COG3: variants seen among roughly 807,000 people sequenced by gnomAD.
The protein encoded by COG3 is component of oligomeric golgi complex 3, also known as conserved oligomeric Golgi complex subunit 3.
A neutral mutation model predicts 114.1 loss-of-function variants in COG3; 32 were observed. The observed-to-expected ratio is 0.28, with a 90% CI of 0.21 to 0.38. The LOEUF is 0.38. Among genes scored for constraint, COG3 ranks in the 10% least tolerant of loss-of-function variants. COG3 has a pLI of 1.00. For synonymous variants in COG3, 352 were observed against 365.7 expected, an observed-to-expected ratio of 0.96 and a Z score of 0.43; for missense variants, 813 against 973.2, an observed-to-expected ratio of 0.84 and a Z score of 2.19.
Position 45,466,256 on chromosome 13 carries a change from C to T in COG3, c.174+1046C>T, listed in dbSNP as rs552645315. Among the ~76,000 whole-genome samples the T allele has an allele frequency of 1.4e-3, 219 of 152,254 alleles. 2 individuals carry two copies. Among genetic ancestry groups the T allele is most frequent in the African/African-American group, 4.5e-3 (187 of 41,550 alleles). On this transcript the variant is annotated intron_variant, in intron 1 of 22. Coordinates refer to ENST00000349995, the MANE Select transcript of COG3 (RefSeq NM_031431.4). Reference sequence around the variant, plus strand: ...GTTTCGCCCTGTTGTCCAGGCTGTTCTCGAACTCCTGACCTCAAGTGATCT... The same window carrying T: ...GTTTCGCCCTGTTGTCCAGGCTGTTTTCGAACTCCTGACCTCAAGTGATCT...
intron 2 of COG3, among the ~76,000 whole-genome samples, chr13:45,478,232 C>T (rs1159827855): frequency 6.6e-6 from 1 of 151,272 alleles, no homozygotes; most frequent in Admixed American, 6.6e-5. Flanking sequence ...CGCTCTGTCA[C>T]CCAAACTGGA....
At chr13:45,481,372 A>C (rs1886239153) in intron 5 of COG3, 68 bp downstream of exon 5, 1 of 787,984 alleles carries the variant, frequency 1.3e-6, no homozygotes, top group Admixed American at 2.4e-5. Flanking sequence ...TCTTCGTGTC[A>C]TCTTTTAATC....
At chr13:45,503,958 A>G (rs114460325) in intron 14 of COG3, among the ~76,000 whole-genome samples, 235 of 152,250 alleles carry the variant, frequency 1.5e-3, no homozygotes, top group African/African-American at 5.2e-3. Flanking sequence ...ACACAGTTGT[A>G]TGGGATGGCT....
At chr13:45,515,340 A>C (rs1474660855) in intron 16 of COG3, among the ~76,000 whole-genome samples, 2 of 152,222 alleles carry the variant, frequency 1.3e-5, no homozygotes, top group Non-Finnish European at 2.9e-5. Context: ...TATATTGCTT[A>C]CTGAAAGATA....
At position 45,504,229 on chromosome 13, in the gene COG3, C is replaced by T. The variant is rs553487219; in HGVS notation, c.1594+880C>T. Among the ~76,000 whole-genome samples, 67 of 152,310 alleles carry T rather than the reference C, an allele frequency of 4.4e-4. 1 individual carries two copies. The highest frequency in any genetic ancestry group is 2.0e-3 in the Admixed American group (31 of 15,300). On this transcript the variant is annotated intron_variant, in intron 14 of 22. Coordinates refer to ENST00000349995, the MANE Select transcript of COG3 (RefSeq NM_031431.4). ...AGGTATTCTGAGTCTACTCTATAAA[C>T]AGTTGCTACACTAAATCCAGACTGT...
chr13:45,489,264 A>AAAAAT (rs1216196271), intron 8 of COG3, among the ~76,000 whole-genome samples: 1 of 135,570 alleles, frequency 7.4e-6, no homozygotes, highest in Non-Finnish European at 1.7e-5. Context: ...CCCAGCCTCA[A>AAAAAT]AAAAAAAAAA....
intron 1 of COG3, chr13:45,466,611 A>C (rs1214744638): frequency 6.6e-6 from 1 of 152,174 alleles, no homozygotes; most frequent in Non-Finnish European, 1.5e-5. Context: ...TGGATAATAA[A>C]AGTTGTTTGC....
At chr13:45,486,407 T>C (rs957066277) in intron 7 of COG3, 88 bp from the exon 8 acceptor site, 5 of 800,016 alleles carry the variant, frequency 6.2e-6, no homozygotes, top group African/African-American at 5.2e-5. Context: ...GGCCAAGCAG[T>C]AGCCATAGGA....
chr13:45,518,626 T>G, intron 17 of COG3, 136 bp from the exon 18 acceptor site: 2 of 636,428 alleles, frequency 3.1e-6, no homozygotes, highest in African/African-American at 1.8e-5. Flanking sequence ...CATCTCACTC[T>G]CAGCCTTTCA....
At chr13:45,522,653 G>A (rs572504009) in intron 19 of COG3, among the ~76,000 whole-genome samples, 8 of 152,290 alleles carry the variant, frequency 5.3e-5, no homozygotes, top group Non-Finnish European at 1.2e-4. Context: ...CTAGAAGAGT[G>A]TATATGCTCT....
intron 2 of COG3, among the ~76,000 whole-genome samples, chr13:45,476,711 T>A (rs199979422): frequency 6.6e-6 from 1 of 151,934 alleles, no homozygotes; most frequent in Non-Finnish European, 1.5e-5. Flanking sequence ...AGTCCTTTTT[T>A]AAAAAACCCA....
chr13:45,502,593 A>AGTCT (rs1869664231), intron 13 of COG3, among the ~76,000 whole-genome samples: 1 of 151,838 alleles, frequency 6.6e-6, no homozygotes, highest in African/African-American at 2.4e-5. Flanking sequence ...TGTGGTAGGG[A>AGTCT]GTCTGTTTCC....
intron 19 of COG3, among the ~76,000 whole-genome samples, chr13:45,519,610 C>G (rs917594200): frequency 1.3e-5 from 2 of 152,200 alleles, no homozygotes; most frequent in African/African-American, 4.8e-5. Context: ...TCCTCCTTCA[C>G]ATTGGTGGTC....
intron 3 of COG3, 60 bp downstream of exon 3, chr13:45,479,126 C>A: frequency 8.4e-7 from 1 of 1,196,006 alleles, no homozygotes; most frequent in Non-Finnish European, 1.2e-6. Flanking sequence ...TCATCTGAAG[C>A]ATTTCATAAT....
intron 14 of COG3, among the ~76,000 whole-genome samples, chr13:45,504,552 C>A (rs1480268041): frequency 6.6e-6 from 1 of 152,118 alleles, no homozygotes; most frequent in Non-Finnish European, 1.5e-5. Flanking sequence ...AGAGACTGAT[C>A]AGGAAGTTGT....
intron 1 of COG3, among the ~76,000 whole-genome samples, chr13:45,474,912 A>G (rs763419289): frequency 6.6e-5 from 10 of 150,674 alleles, no homozygotes; most frequent in Non-Finnish European, 5.9e-5. Flanking sequence ...TACTTTCCCC[A>G]GCATCTACTT....
intron 15 of COG3, among the ~76,000 whole-genome samples, chr13:45,511,559 T>G (rs1439583746): frequency 6.6e-6 from 1 of 152,232 alleles, no homozygotes; most frequent in Non-Finnish European, 1.5e-5. Context: ...CATGAATGTT[T>G]CCAGGGATGA....
intron 14 of COG3, among the ~76,000 whole-genome samples, chr13:45,506,368 AG>A (rs1423487177): frequency 4.6e-5 from 7 of 151,960 alleles, no homozygotes; most frequent in African/African-American, 1.7e-4. Flanking sequence ...GGCAAGTGAG[AG>A]GGTGTGATTG....
chr13:45,521,009 A>G (rs1276261419), intron 19 of COG3, among the ~76,000 whole-genome samples: 1 of 152,252 alleles, frequency 6.6e-6, no homozygotes, highest in East Asian at 1.9e-4. Context: ...AGGTTGTTCT[A>G]GAACAGCACA....
Sources: gnomAD v4.1 joint callset for allele counts (sites outside exome capture counted in the v4.1 genomes callset) on GRCh38, gnomAD v4.1.1 for gene constraint, MANE v1.5 for transcripts, NCBI Gene and HGNC (gene_info 2026-07-23, HGNC 2026-07-21) for gene names.